The following TGFBR3 variants were observed in gnomAD, a reference collection of about 807,000 sequenced individuals.
TGFBR3 encodes the protein transforming growth factor beta receptor 3.
In TGFBR3, 46 loss-of-function variants were observed where a neutral mutation model predicts 87.9. The observed-to-expected ratio is 0.52, with a 90% CI of 0.41 to 0.67. The LOEUF (loss-of-function observed/expected upper bound fraction) is 0.67. Among genes scored for constraint, TGFBR3 ranks in the 30% least tolerant of loss-of-function variants. The pLI is 0.00. For missense variants in TGFBR3, 866 were observed against 1,041.9 expected (o/e 0.83, Z 2.32); for synonymous variants, 381 against 391.6 (o/e 0.97, Z 0.32).
Position 91,758,666 on chromosome 1 carries a change from C to T in TGFBR3, c.331G>A (p.Val111Met). The change falls in exon 4 of 17, where the codon GTG (valine) becomes ATG (methionine). Residue 111 changes from valine (V) to methionine (M), a missense_variant. Coordinates refer to ENST00000212355, the MANE Select transcript of TGFBR3 (RefSeq NM_003243.5). ...VFLLNSPHPLVWHLKTERLAT... is the reference protein window; with the variant it reads ...VFLLNSPHPLMWHLKTERLAT... ...AGTCTCTCTGTCTTCAGATGCCACA[C>T]CAGGGGGTGTGGGGAGTTGAGCAGG... 2 of 1,613,946 alleles carry T rather than the reference C, an allele frequency of 1.2e-6. No individual in the cohort carries two copies. The highest frequency in any genetic ancestry group is 1.1e-5 in the South Asian group (1 of 91,088).
chr1:91,814,986 AC>A (rs764258754), intron 2 of TGFBR3, among the ~76,000 whole-genome samples: 72 of 152,210 alleles, frequency 4.7e-4, no homozygotes, highest in Non-Finnish European at 9.1e-4. Flanking sequence ...TCTCTACTAT[AC>A]TGTGAGCAAT....
chr1:91,903,159 C>A (rs970510385), intron 1 of TGFBR3, among the ~76,000 whole-genome samples: 8 of 150,664 alleles, frequency 5.3e-5, no homozygotes, highest in Non-Finnish European at 1.0e-4. Context: ...ACCAACATGG[C>A]GAAACCCTGT....
At chr1:91,715,379 C>T (rs1571434197) in intron 12 of TGFBR3, among the ~76,000 whole-genome samples, 1 of 152,348 alleles carries the variant, frequency 6.6e-6, no homozygotes, top group Non-Finnish European at 1.5e-5. Context: ...GTCACACGGC[C>T]TATGAGCACT....
intron 2 of TGFBR3, among the ~76,000 whole-genome samples, chr1:91,832,019 T>C (rs1194135432): frequency 1.3e-5 from 2 of 152,256 alleles, no homozygotes; most frequent in Admixed American, 1.3e-4. Flanking sequence ...TTTTTTTCCA[T>C]GTTGCCTTAT....
chr1:91,885,370 G>GT (rs934124460), intron 1 of TGFBR3, among the ~76,000 whole-genome samples: 4 of 134,094 alleles, frequency 3.0e-5, no homozygotes, highest in African/African-American at 5.3e-5. Flanking sequence ...GGCGGGGGGG[G>GT]GCCGAGCTGC....
chr1:91,896,202 G>A (rs1026082093), intron 2 of TGFBR3, among the ~76,000 whole-genome samples: 52 of 152,318 alleles, frequency 3.4e-4, no homozygotes, highest in African/African-American at 1.2e-3. Context: ...GAAGGCAGGG[G>A]CCATGGCTAT....
intron 3 of TGFBR3, among the ~76,000 whole-genome samples, chr1:91,774,858 A>G (rs1220665273): frequency 6.6e-6 from 1 of 152,244 alleles, no homozygotes. Context: ...GAGTGAAATC[A>G]GAACTAGTGA....
chr1:91,889,372 C>T (rs1679399594), upstream of TGFBR3, among the ~76,000 whole-genome samples: 1 of 152,130 alleles, frequency 6.6e-6, no homozygotes, highest in Non-Finnish European at 1.5e-5. Flanking sequence ...AAACCTAAGT[C>T]CTTAACCACC....
intron 1 of TGFBR3, chr1:91,861,916 C>T (rs992840881): frequency 3.8e-4 from 112 of 291,846 alleles, no homozygotes; most frequent in East Asian, 2.2e-3. Context: ...AGCACAGTGG[C>T]GCAGTCTTGG....
At chr1:91,844,037 C>T (rs1008552495) in intron 2 of TGFBR3, among the ~76,000 whole-genome samples, 4 of 152,196 alleles carry the variant, frequency 2.6e-5, no homozygotes, top group Admixed American at 2.0e-4. Flanking sequence ...TGGAAAGGCA[C>T]AACATCCAAT....
chr1:91,694,588 G>C (rs146306333), intron 16 of TGFBR3, among the ~76,000 whole-genome samples: 20 of 152,276 alleles, frequency 1.3e-4, no homozygotes, highest in African/African-American at 4.8e-4. Context: ...CAATCAAGAG[G>C]GTAAAGATAT....
intron 2 of TGFBR3, among the ~76,000 whole-genome samples, chr1:91,815,429 A>T (rs998462385): frequency 4.6e-5 from 7 of 152,120 alleles, no homozygotes; most frequent in Admixed American, 1.3e-4. Context: ...TTAAATCAGG[A>T]AGTTCTATAA....
chr1:91,815,492 C>T (rs1346670002), intron 2 of TGFBR3, among the ~76,000 whole-genome samples: 2 of 151,952 alleles, frequency 1.3e-5, no homozygotes, highest in African/African-American at 4.8e-5. Context: ...AAAAGAACCT[C>T]CTTTCTCCTC....
chr1:91,683,200 G>GC lies in TGFBR3; in HGVS notation c.*538dup. 2.2e-6 allele frequency: 1 copy of GC among 454,602 alleles called. No homozygotes were observed. The highest frequency in any genetic ancestry group is 1.6e-5 in the South Asian group (1 of 64,472). The allele number at this position is 454,602 out of a possible 1,614,324, so 28.2% of individuals were successfully genotyped here. ...ACATCAGACCCCACAGGTTGTGGCA[G>GC]CAAGGTCAGAAGTGTGCATCCAGAC... On this transcript the variant is annotated 3_prime_UTR_variant, in exon 17 of 17. Coordinates refer to ENST00000212355, the MANE Select transcript of TGFBR3 (RefSeq NM_003243.5).
At position 91,683,202 on chromosome 1, in the gene TGFBR3, A is replaced by G. The variant is rs1392502673; in HGVS notation, c.*537T>C. The G allele has an allele frequency of 2.0e-5, 9 of 454,476 alleles. No individual in the cohort carries two copies. Among genetic ancestry groups the G allele is most frequent in the Non-Finnish European group, 4.0e-5 (9 of 226,824 alleles). The allele number at this position is 454,476 out of a possible 1,614,324, so 28.2% of individuals were successfully genotyped here. On this transcript the variant is annotated 3_prime_UTR_variant, in exon 17 of 17. Coordinates refer to ENST00000212355, the MANE Select transcript of TGFBR3 (RefSeq NM_003243.5). ...ATCAGACCCCACAGGTTGTGGCAGC[A>G]AGGTCAGAAGTGTGCATCCAGACAA...
intron 5 of TGFBR3, 136 bp downstream of exon 5, chr1:91,734,640 C>T: frequency 9.0e-7 from 1 of 1,113,036 alleles, no homozygotes; most frequent in Non-Finnish European, 1.4e-6. Flanking sequence ...AGGCCTGGGG[C>T]CAAATGACCC....
At chr1:91,770,301 A>G (rs943736760) in intron 3 of TGFBR3, among the ~76,000 whole-genome samples, 2 of 152,142 alleles carry the variant, frequency 1.3e-5, no homozygotes, top group African/African-American at 4.8e-5. Context: ...CTGAACTTAC[A>G]TAGACTGATT....
At chr1:91,901,267 A>T (rs1356359065) in intron 1 of TGFBR3, among the ~76,000 whole-genome samples, 1 of 152,216 alleles carries the variant, frequency 6.6e-6, no homozygotes, top group Non-Finnish European at 1.5e-5. Flanking sequence ...ACAACTCTTC[A>T]TCAGTCCAAA....
intron 1 of TGFBR3, among the ~76,000 whole-genome samples, chr1:91,901,529 T>G (rs775633456): frequency 1.2e-4 from 19 of 152,216 alleles, no homozygotes; most frequent in Non-Finnish European, 2.2e-4. Context: ...ATTCTCATAT[T>G]ACAAATGTTA....
Sources: gnomAD v4.1 joint callset for allele counts (sites outside exome capture counted in the v4.1 genomes callset) on GRCh38, gnomAD v4.1.1 for gene constraint, MANE v1.5 for transcripts, NCBI Gene and HGNC (gene_info 2026-07-23, HGNC 2026-07-21) for gene names.